Variants in EFNA5 observed in about 807,000 individuals in gnomAD.
EFNA5 encodes ephrin-A5.
Under a neutral mutation model 22.9 loss-of-function variants are expected in EFNA5, and 5 were observed. The ratio of observed to expected loss-of-function variants is 0.22; its 90% CI spans 0.11 to 0.46. The LOEUF (loss-of-function observed/expected upper bound fraction) is 0.46. EFNA5 is among the 20% of genes least tolerant of loss of function. The pLI is 0.99. For missense variants in EFNA5, 237 were observed against 293.3 expected, an observed-to-expected ratio of 0.81 and a Z score of 1.40; for synonymous variants, 113 against 112.2, an observed-to-expected ratio of 1.01 and a Z score of -0.04.
At chr5:107,668,136 A>AT (rs1431723756) in intron 1 of EFNA5, among the ~76,000 whole-genome samples, 1 of 152,196 alleles carries the variant, frequency 6.6e-6, no homozygotes, top group Admixed American at 6.5e-5. Context: ...TTAGGGCTGT[A>AT]TCTCTTGGGG....
intron 1 of EFNA5, among the ~76,000 whole-genome samples, chr5:107,451,080 T>C (rs1412609076): frequency 6.6e-6 from 1 of 152,252 alleles, no homozygotes; most frequent in East Asian, 1.9e-4. Context: ...ACGTTAAATA[T>C]AGTTTATTAG....
chr5:107,546,686 A>ACACACT (rs138484651), intron 1 of EFNA5, among the ~76,000 whole-genome samples: 3 of 142,426 alleles, frequency 2.1e-5, no homozygotes, highest in Non-Finnish European at 4.6e-5. Context: ...ACACACACAC[A>ACACACT]CTCTCACCCC....
intron 1 of EFNA5, among the ~76,000 whole-genome samples, chr5:107,592,696 G>A (rs1361413108): frequency 6.6e-6 from 1 of 152,168 alleles, no homozygotes; most frequent in Non-Finnish European, 1.5e-5. Flanking sequence ...GGATCCTGGA[G>A]CTGGAATAGG....
intron 1 of EFNA5, among the ~76,000 whole-genome samples, chr5:107,499,568 A>AT (rs892175771): frequency 7.2e-5 from 11 of 152,170 alleles, no homozygotes; most frequent in African/African-American, 2.7e-4. Context: ...TTGACACTGG[A>AT]TTTTTTTAAA....
intron 1 of EFNA5, among the ~76,000 whole-genome samples, chr5:107,534,567 T>C (rs1747892201): frequency 6.6e-6 from 1 of 152,256 alleles, no homozygotes; most frequent in African/African-American, 2.4e-5. Flanking sequence ...TTTCTTCTTT[T>C]TAGCTGACAA....
intron 1 of EFNA5, among the ~76,000 whole-genome samples, chr5:107,598,724 C>G (rs1176602462): frequency 6.6e-6 from 1 of 152,038 alleles, no homozygotes; most frequent in Non-Finnish European, 1.5e-5. Context: ...TTTTTGCTCA[C>G]GGCCAGTTAT....
intron 1 of EFNA5, among the ~76,000 whole-genome samples, chr5:107,642,582 G>A (rs1457753083): frequency 1.3e-5 from 2 of 152,024 alleles, no homozygotes; most frequent in Non-Finnish European, 2.9e-5. Flanking sequence ...ATAGACTGGA[G>A]AATATCACCA....
rs1244211303 is a variant in EFNA5, at chr5:107,387,697, T to G, written c.484+9A>C. ...AGCCACCCTCTGAAGCTCATTCTAGTGAACTTACTTGTTGGTCTCACAAAG... is the reference window on the plus strand; with the variant it reads ...AGCCACCCTCTGAAGCTCATTCTAGGGAACTTACTTGTTGGTCTCACAAAG... On this transcript the variant is annotated intron_variant, in intron 3 of 4. Coordinates refer to ENST00000333274, the MANE Select transcript of EFNA5 (RefSeq NM_001962.3). The G allele has an allele frequency of 1.2e-6, 2 of 1,605,020 alleles. No individual in the cohort carries two copies.
intron 1 of EFNA5, among the ~76,000 whole-genome samples, chr5:107,600,416 C>T (rs1749566370): frequency 6.6e-6 from 1 of 152,110 alleles, no homozygotes; most frequent in Non-Finnish European, 1.5e-5. Flanking sequence ...ACGATTACAA[C>T]CTAATATACT....
At chr5:107,559,229 T>C (rs1324113381) in intron 1 of EFNA5, among the ~76,000 whole-genome samples, 1 of 152,232 alleles carries the variant, frequency 6.6e-6, no homozygotes, top group Non-Finnish European at 1.5e-5. Context: ...GCAGCCCTGC[T>C]GGGTCCCATT....
At chr5:107,461,721 G>C (rs2112456454) in intron 1 of EFNA5, among the ~76,000 whole-genome samples, 1 of 152,216 alleles carries the variant, frequency 6.6e-6, no homozygotes, top group South Asian at 2.1e-4. Context: ...TAAAAGTGAG[G>C]AAAATTAAGC....
chr5:107,495,230 C>A (rs1042572821), intron 1 of EFNA5, among the ~76,000 whole-genome samples: 2 of 152,188 alleles, frequency 1.3e-5, no homozygotes, highest in African/African-American at 4.8e-5. Context: ...CCATGAAGAT[C>A]TGCGGCTCCA....
chr5:107,575,811 C>T lies in EFNA5; in HGVS notation c.125+94678G>A, dbSNP rs191190447. Among the ~76,000 whole-genome samples the T allele has an allele frequency of 2.9e-3, 441 of 152,258 alleles. 4 individuals carry two copies. The highest frequency in any genetic ancestry group is 6.8e-3 in the Middle Eastern group (2 of 294). ...AAAAAGACAGCATCTAGGATTCCACCTATTTAACATGACCTATTTCTAGCA... is the reference window on the plus strand; with the variant it reads ...AAAAAGACAGCATCTAGGATTCCACTTATTTAACATGACCTATTTCTAGCA... On this transcript the variant is annotated intron_variant, in intron 1 of 4. Coordinates refer to ENST00000333274, the MANE Select transcript of EFNA5 (RefSeq NM_001962.3).
chr5:107,508,229 T>A (rs187394911), intron 1 of EFNA5, among the ~76,000 whole-genome samples: 1 of 152,208 alleles, frequency 6.6e-6, no homozygotes, highest in Non-Finnish European at 1.5e-5. Flanking sequence ...GAAGTGCAGA[T>A]GGATGGCTTC....
intron 1 of EFNA5, among the ~76,000 whole-genome samples, chr5:107,657,932 G>T (rs1396108052): frequency 1.3e-5 from 2 of 152,094 alleles, no homozygotes; most frequent in African/African-American, 4.8e-5. Flanking sequence ...TTAATACAAA[G>T]ATTTGCTTTG....
At chr5:107,516,174 T>TTGTGTGTGTGTGTGTGTGTG (rs59824895) in intron 1 of EFNA5, among the ~76,000 whole-genome samples, 222 of 139,612 alleles carry the variant, frequency 1.6e-3, no homozygotes, top group African/African-American at 3.8e-3. Context: ...CTGGCTAGTT[T>TTGTGTGTGTGTGTGTGTGTG]TGTGTGTGTG....
chr5:107,435,650 CT>C (rs564544656), intron 1 of EFNA5, among the ~76,000 whole-genome samples: 61 of 152,214 alleles, frequency 4.0e-4, no homozygotes, highest in African/African-American at 1.4e-3. Context: ...TTAGAACATG[CT>C]AAAATCAATG....
At chr5:107,653,845 G>C (rs1422692872) in intron 1 of EFNA5, among the ~76,000 whole-genome samples, 1 of 152,158 alleles carries the variant, frequency 6.6e-6, no homozygotes, top group East Asian at 1.9e-4. Flanking sequence ...TATCTTGTGA[G>C]CAGAGTCCTG....
At chr5:107,488,864 T>G (rs1305026148) in intron 1 of EFNA5, among the ~76,000 whole-genome samples, 1 of 151,574 alleles carries the variant, frequency 6.6e-6, no homozygotes, top group Admixed American at 6.6e-5. Context: ...GCTAATTTTT[T>G]GTATTTTTTA....
Sources: allele counts gnomAD v4.1 joint callset (sites outside exome capture counted in the v4.1 genomes callset), GRCh38; gene constraint gnomAD v4.1.1; transcripts MANE v1.5; gene names NCBI Gene and HGNC (gene_info 2026-07-23, HGNC 2026-07-21).